Variants in MARCHF7 observed in about 807,000 individuals in gnomAD.
MARCHF7 encodes the protein membrane associated ring-CH-type finger 7, also known as E3 ubiquitin-protein ligase MARCHF7.
A neutral mutation model predicts 76.5 loss-of-function variants in MARCHF7; 20 were observed. The ratio of observed to expected loss-of-function variants is 0.26; its 90% CI spans 0.18 to 0.38. The LOEUF is 0.38. Among genes scored for constraint, MARCHF7 ranks in the 10% least tolerant of loss-of-function variants. The pLI is 1.00. For missense variants in MARCHF7, 797 were observed against 812.9 expected, an observed-to-expected ratio of 0.98 and a Z score of 0.24; for synonymous variants, 295 against 293.0, an observed-to-expected ratio of 1.01 and a Z score of -0.07.
chr2:159,716,028 T>C (rs1237264354), intron 3 of MARCHF7, among the ~76,000 whole-genome samples: 1 of 152,162 alleles, frequency 6.6e-6, no homozygotes. Context: ...CTTAACATCA[T>C]AGTCATATTT....
At chr2:159,761,090 ATC>A (rs1287666980) in intron 9 of MARCHF7, among the ~76,000 whole-genome samples, 4 of 150,554 alleles carry the variant, frequency 2.7e-5, no homozygotes, top group Non-Finnish European at 5.9e-5. Flanking sequence ...CAGTGGTGCA[ATC>A]TCAGCTCACG....
chr2:159,719,190 A>G (rs890167097), intron 3 of MARCHF7, among the ~76,000 whole-genome samples: 1 of 152,076 alleles, frequency 6.6e-6, no homozygotes, highest in African/African-American at 2.4e-5. Context: ...CGTGTTGGCC[A>G]GGCTGGTCTG....
intron 7 of MARCHF7, among the ~76,000 whole-genome samples, chr2:159,750,730 G>C (rs914069000): frequency 6.6e-6 from 1 of 151,882 alleles, no homozygotes; most frequent in Non-Finnish European, 1.5e-5. Flanking sequence ...ATTAAAATGA[G>C]ATAAATTAGT....
chr2:159,731,314 G>GT (rs1213364204), intron 4 of MARCHF7, among the ~76,000 whole-genome samples: 1 of 152,102 alleles, frequency 6.6e-6, no homozygotes, highest in African/African-American at 2.4e-5. Context: ...ACTGTTGCAT[G>GT]TTTTTTATAA....
chr2:159,716,361 T>C lies in MARCHF7; in HGVS notation c.-15+595T>C, dbSNP rs540049159. Among the ~76,000 whole-genome samples the C allele has an allele frequency of 1.5e-3, 227 of 152,094 alleles. 1 individual carries two copies. The highest frequency in any genetic ancestry group is 2.5e-3 in the Non-Finnish European group (170 of 67,994). ...TCTGCAAGACTCTTGAAATATTGCA[T>C]TGGGGCTGGGCATGGTGGCTCACTC... On this transcript the variant is annotated intron_variant, in intron 3 of 11. Coordinates refer to ENST00000409175, the MANE Select transcript of MARCHF7 (RefSeq NM_001282805.2).
At chr2:159,766,409 G>A (rs946183120) in intron 11 of MARCHF7, among the ~76,000 whole-genome samples, 4 of 152,070 alleles carry the variant, frequency 2.6e-5, no homozygotes, top group African/African-American at 9.7e-5. Flanking sequence ...CCATTTGTTG[G>A]ATGCTCTTAA....
chr2:159,729,505 G>A (rs572183782), intron 4 of MARCHF7, among the ~76,000 whole-genome samples: 18 of 151,784 alleles, frequency 1.2e-4, no homozygotes, highest in African/African-American at 3.6e-4. Context: ...ACCCCGTCTC[G>A]ACTAAAAATA....
At chr2:159,724,646 C>A (rs997441385) in intron 3 of MARCHF7, among the ~76,000 whole-genome samples, 1 of 152,096 alleles carries the variant, frequency 6.6e-6, no homozygotes, top group Non-Finnish European at 1.5e-5. Flanking sequence ...CTTTATAATG[C>A]TGTCTTTGTA....
chr2:159,737,387 T>C (rs1703588172), intron 4 of MARCHF7, among the ~76,000 whole-genome samples: 9 of 152,206 alleles, frequency 5.9e-5, no homozygotes. Context: ...TTTCCAAAGA[T>C]ATATTAATGG....
At chr2:159,758,281 A>G (rs1706581575) in intron 8 of MARCHF7, among the ~76,000 whole-genome samples, 1 of 152,240 alleles carries the variant, frequency 6.6e-6, no homozygotes, top group African/African-American at 2.4e-5. Flanking sequence ...CTTAGGAATA[A>G]TCAAATGTTG....
Position 159,745,754 on chromosome 2 carries a change from C to G in MARCHF7, c.347-16C>G, listed in dbSNP as rs750518741. The G allele has an allele frequency of 6.4e-7, 1 of 1,567,352 alleles. No homozygotes were observed. The highest frequency in any genetic ancestry group is 1.9e-5 in the Admixed American group (1 of 52,586). ...GAAAGCTTTCTCTGAAATAAAACTTCTTCATTTATTTTAAGATTCATCTTG... is the reference window on the plus strand; with the variant it reads ...GAAAGCTTTCTCTGAAATAAAACTTGTTCATTTATTTTAAGATTCATCTTG... On this transcript the variant is annotated splice_polypyrimidine_tract_variant and intron_variant, in intron 5 of 11. Coordinates refer to ENST00000409175, the MANE Select transcript of MARCHF7 (RefSeq NM_001282805.2).
At chr2:159,729,718 A>G (rs759249559) in intron 4 of MARCHF7, among the ~76,000 whole-genome samples, 11 of 151,860 alleles carry the variant, frequency 7.2e-5, no homozygotes, top group Non-Finnish European at 1.2e-4. Context: ...CCTTGTACGT[A>G]AAAACATAAG....
At chr2:159,740,941 G>A (rs1704048988) in intron 4 of MARCHF7, among the ~76,000 whole-genome samples, 1 of 152,202 alleles carries the variant, frequency 6.6e-6, no homozygotes, top group Non-Finnish European at 1.5e-5. Flanking sequence ...TGTTTGGGAG[G>A]CTGAGGCAGG....
At chr2:159,763,490 A>G (rs1309359621) in intron 10 of MARCHF7, among the ~76,000 whole-genome samples, 5 of 152,362 alleles carry the variant, frequency 3.3e-5, no homozygotes, top group African/African-American at 1.2e-4. Context: ...GCTATTAGCC[A>G]TAATACAACA....
chr2:159,729,716 G>A (rs13415100), intron 4 of MARCHF7, among the ~76,000 whole-genome samples: 52,135 of 151,076 alleles, frequency 0.35, 9,187 homozygotes, highest in South Asian at 0.44. Context: ...AACCTTGTAC[G>A]TAAAAACATA....
chr2:159,748,930 T>A, intron 7 of MARCHF7, 27 bp downstream of exon 7: 1 of 1,461,192 alleles, frequency 6.8e-7, no homozygotes, highest in Middle Eastern at 1.9e-4. Flanking sequence ...GTCTTAAGCC[T>A]ATAAATCAAA....
intron 4 of MARCHF7, 35 bp from the exon 5 acceptor site, chr2:159,743,026 C>G: frequency 1.9e-6 from 3 of 1,580,256 alleles, no homozygotes; most frequent in Non-Finnish European, 2.6e-6. Flanking sequence ...TGAATGCAGC[C>G]TTTTGTTGTT....
At chr2:159,763,829 T>C (rs1707395493) in intron 10 of MARCHF7, among the ~76,000 whole-genome samples, 1 of 152,216 alleles carries the variant, frequency 6.6e-6, no homozygotes, top group African/African-American at 2.4e-5. Context: ...CTTTATTTTA[T>C]CATGTGGACA....
chr2:159,736,464 A>G (rs1560004274), intron 4 of MARCHF7, among the ~76,000 whole-genome samples: 1 of 152,172 alleles, frequency 6.6e-6, no homozygotes, highest in African/African-American at 2.4e-5. Context: ...TTTAAAGTAC[A>G]CTTGTCTTGT....
Sources: allele counts gnomAD v4.1 joint callset (sites outside exome capture counted in the v4.1 genomes callset), GRCh38; gene constraint gnomAD v4.1.1; transcripts MANE v1.5; gene names NCBI Gene and HGNC (gene_info 2026-07-23, HGNC 2026-07-21).